The following VASH1 variants were observed in gnomAD, a reference collection of about 807,000 sequenced individuals.
VASH1 encodes the protein tubulinyl-Tyr carboxypeptidase 1.
In VASH1, 16 loss-of-function variants were observed where a neutral mutation model predicts 35.0. That is an observed-to-expected ratio of 0.46 (90% CI 0.31 to 0.70). The LOEUF is 0.70. Among genes scored for constraint, VASH1 ranks in the 30% least tolerant of loss-of-function variants. VASH1 has a pLI of 0.05. For synonymous variants in VASH1, 214 were observed against 200.9 expected, an observed-to-expected ratio of 1.07 and a Z score of -0.55; for missense variants, 505 against 510.7, an observed-to-expected ratio of 0.99 and a Z score of 0.11.
At position 76,762,609 on chromosome 14, in the gene VASH1, C is replaced by T; in HGVS notation, c.-213C>T. ...TTCAAACAGAACAAGGCCTCCAAGG[C>T]TGACCCCAGACAACCCACCCCCTCG... On this transcript the variant is annotated 5_prime_UTR_variant, in exon 1 of 7. Transcript: ENST00000167106. 3 of 421,882 alleles carry T rather than the reference C, an allele frequency of 7.1e-6. No individual in the cohort carries two copies. The highest frequency in any genetic ancestry group is 1.3e-5 in the Non-Finnish European group (3 of 235,200). The allele number at this position is 421,882 out of a possible 1,614,324, so 26.1% of individuals were successfully genotyped here. A position where few individuals can be genotyped will look rare whatever the true frequency, so the allele number is the denominator to read the frequency against.
At chr14:76,764,773 C>T (rs1893598939) in intron 1 of VASH1, among the ~76,000 whole-genome samples, 1 of 151,632 alleles carries the variant, frequency 6.6e-6, no homozygotes, top group African/African-American at 2.4e-5. Context: ...GCAGCCTCCA[C>T]CTCCCTGGTT....
In VASH1 at chr14:76,779,233, A is replaced by C. The variant is rs1894033916; in HGVS notation, c.*215A>C. 4 of 691,150 alleles carry C rather than the reference A, an allele frequency of 5.8e-6. No homozygotes were observed. The highest frequency in any genetic ancestry group is 2.1e-5 in the Admixed American group (1 of 47,972). 42.8% of individuals were successfully genotyped at this position (691,150 alleles called of 1,614,324 possible). On this transcript the variant is annotated 3_prime_UTR_variant, in exon 7 of 7. Transcript: ENST00000167106. ...TAGAGGCCGTTAGTATTTTATTTGG[A>C]GTTTTTAACTCTACAACTGAAGTTT...
intron 1 of VASH1, among the ~76,000 whole-genome samples, chr14:76,765,868 C>T (rs938465301): frequency 1.5e-4 from 23 of 152,292 alleles, no homozygotes; most frequent in African/African-American, 4.6e-4. Context: ...GTTACTTGCC[C>T]GGCCCCTGCA....
intron 3 of VASH1, among the ~76,000 whole-genome samples, chr14:76,771,790 C>T (rs1460738826): frequency 6.8e-6 from 1 of 146,340 alleles, no homozygotes; most frequent in Non-Finnish European, 1.5e-5. Flanking sequence ...CCCATCCCGC[C>T]ACCCCGTGTG....
At chr14:76,775,778 T>C (rs1345896369) in intron 4 of VASH1, 114 bp from the exon 5 acceptor site, 1 of 1,419,648 alleles carries the variant, frequency 7.0e-7, no homozygotes, top group Non-Finnish European at 9.3e-7. Context: ...GCAGGACTGG[T>C]GTCTGCACCC....
chr14:76,779,517 G>A lies in VASH1; in HGVS notation c.*499G>A, dbSNP rs1487232487. On this transcript the variant is annotated 3_prime_UTR_variant, in exon 7 of 7. Coordinates refer to ENST00000167106, the MANE Select transcript of VASH1 (RefSeq NM_014909.5). ...TGCCCTGGCAGAATCTTGACCCAGG[G>A]AAAGGGAAGCAGGGTAGGAGTCCTT... 3 of 701,342 alleles carry A rather than the reference G, an allele frequency of 4.3e-6. No homozygotes were observed. The highest frequency in any genetic ancestry group is 5.4e-5 in the East Asian group (2 of 37,284). 43.4% of individuals were successfully genotyped at this position (701,342 alleles called of 1,614,324 possible). A position where few individuals can be genotyped will look rare whatever the true frequency, so the allele number is the denominator to read the frequency against.
chr14:76,779,531 G>A lies in VASH1; in HGVS notation c.*513G>A, dbSNP rs1475879166. On this transcript the variant is annotated 3_prime_UTR_variant, in exon 7 of 7. Transcript: ENST00000167106. ...CTTGACCCAGGGAAAGGGAAGCAGG[G>A]TAGGAGTCCTTCTGAGAAAGGTCTG... is the stretch of plus-strand genomic sequence containing the variant. The A allele has an allele frequency of 1.4e-6, 1 of 697,828 alleles. No individual in the cohort carries two copies. 43.2% of individuals were successfully genotyped at this position (697,828 alleles called of 1,614,324 possible). A position where few individuals can be genotyped will look rare whatever the true frequency, so the allele number is the denominator to read the frequency against.
At position 76,777,194 on chromosome 14, in the gene VASH1, G is replaced by T. The variant is rs569575346; in HGVS notation, c.913-765G>T. On this transcript the variant is annotated intron_variant, in intron 5 of 6. Transcript: ENST00000167106. ...CAGCCCTAGGCCAAGATCTCCTGGG[G>T]TGACAGTGCCTTCCCCTAGGGCAGA... Among the ~76,000 whole-genome samples the T allele has an allele frequency of 2.0e-5, 3 of 152,344 alleles. No individual in the cohort carries two copies. In the South Asian group the frequency reaches 6.2e-4, roughly 32 times the overall value.
chr14:76,767,153 G>T (rs1356323773), intron 1 of VASH1, among the ~76,000 whole-genome samples: 1 of 151,988 alleles, frequency 6.6e-6, no homozygotes. Flanking sequence ...GCTGAGGCAG[G>T]AGAATCACTT....
chr14:76,762,953 G>T lies in VASH1; in HGVS notation c.132G>T (p.Glu44Asp), dbSNP rs1363048962. The change falls in exon 1 of 7, where the codon GAG becomes GAT. Residue 44 changes from glutamate (E) to aspartate (D), a missense_variant. Coordinates refer to ENST00000167106, the MANE Select transcript of VASH1 (RefSeq NM_014909.5). ...GAACCTCAGCCCAGAGAGATGAGGA[G>T]CCAGAAGAGGAAGGGGAAGAGGACC... is the stretch of plus-strand genomic sequence containing the variant. ...SEGTSAQRDE[E>D]PEEEGEEDLR... 1.3e-6 allele frequency: 2 copies of T among 1,562,934 alleles called. No individual in the cohort carries two copies.
chr14:76,778,814 C>G, intron 6 of VASH1, 132 bp from the exon 7 acceptor site: 1 of 869,026 alleles, frequency 1.2e-6, no homozygotes, highest in Non-Finnish European at 1.9e-6. Context: ...TCCATACGCA[C>G]TGTGCTGTGC....
chr14:76,769,561 C>A, intron 1 of VASH1: 3 of 1,123,392 alleles, frequency 2.7e-6, no homozygotes, highest in South Asian at 1.4e-5. Context: ...CCGGATATAC[C>A]AGCTTTGATC....
chr14:76,762,886 C>T lies in VASH1; in HGVS notation c.65C>T (p.Ala22Val), dbSNP rs779164121. 1.3e-5 allele frequency: 20 copies of T among 1,554,602 alleles called. No homozygotes were observed. In the South Asian group the frequency reaches 2.1e-4, roughly 16 times the overall value. ...SSGATPTSAA[A>V]TAPSGVRRLE... ...GGTGCCACTCCAACGTCCGCTGCGG[C>T]CACCGCCCCCTCTGGGGTCAGGCGT... is the stretch of plus-strand genomic sequence containing the variant. Residue 22 changes from alanine (A) to valine (V), a missense_variant, in exon 1 of 7, where the codon GCC (alanine) becomes GTC (valine). Physicochemically the swap from Ala to Val is moderately conservative, Grantham distance 64 (BLOSUM62 0). Coordinates refer to ENST00000167106, the MANE Select transcript of VASH1 (RefSeq NM_014909.5).
intron 1 of VASH1, among the ~76,000 whole-genome samples, chr14:76,765,791 G>A (rs1346382154): frequency 6.6e-6 from 1 of 152,220 alleles, no homozygotes; most frequent in Non-Finnish European, 1.5e-5. Context: ...GCTGGGGAGT[G>A]AGTCCTACTC....
chr14:76,778,146 T>A, intron 6 of VASH1, 75 bp downstream of exon 6: 2 of 1,096,062 alleles, frequency 1.8e-6, no homozygotes, highest in Non-Finnish European at 2.4e-6. Flanking sequence ...GGTCCCTTTT[T>A]TTTTTTATCT....
intron 1 of VASH1, chr14:76,769,524 T>G: frequency 7.8e-7 from 1 of 1,280,296 alleles, no homozygotes; most frequent in Non-Finnish European, 1.0e-6. Flanking sequence ...TCCCAAAGCC[T>G]AGGGCACCAC....
At chr14:76,777,608 G>A (rs1428126158) in intron 5 of VASH1, among the ~76,000 whole-genome samples, 1 of 152,192 alleles carries the variant, frequency 6.6e-6, no homozygotes, top group African/African-American at 2.4e-5. Flanking sequence ...CACCCTTGGG[G>A]TGAGTGGGAT....
intron 1 of VASH1, among the ~76,000 whole-genome samples, chr14:76,767,259 T>TAAAG (rs879640646): frequency 0.032 from 4,791 of 149,960 alleles, 291 homozygotes; most frequent in African/African-American, 0.11. Context: ...AATAAATAAA[T>TAAAG]AAATAAATAA....
chr14:76,778,037 AG>A lies in VASH1; in HGVS notation c.992del (p.Ser331ThrfsTer67). 1 of 1,526,378 alleles carries A rather than the reference AG, an allele frequency of 6.6e-7. No individual in the cohort carries two copies. Among genetic ancestry groups the A allele is most frequent in the Non-Finnish European group, 8.8e-7 (1 of 1,137,320 alleles). 94.6% of individuals were successfully genotyped at this position (1,526,378 alleles called of 1,614,324 possible). A position where few individuals can be genotyped will look rare whatever the true frequency, so the allele number is the denominator to read the frequency against. On this transcript the variant is annotated frameshift_variant, in exon 6 of 7. Transcript: ENST00000167106. LOFTEE classifies it high-confidence loss of function. ...TTCTTCCCCGCAGCGGGCCCAGTCC[AG>A]CCCCCACCGCAGGAACAGCCGCAGT... ...DVSSPQRAQS[S>X]PHRRNSRSER...
Sources: allele counts gnomAD v4.1 joint callset (sites outside exome capture counted in the v4.1 genomes callset), GRCh38; gene constraint gnomAD v4.1.1; transcripts MANE v1.5; gene names NCBI Gene and HGNC (gene_info 2026-07-23, HGNC 2026-07-21).